Variants in TNIK observed in about 807,000 individuals in gnomAD.
The protein encoded by TNIK is TRAF2 and NCK interacting kinase, also known as TRAF2 and NCK-interacting protein kinase.
A neutral mutation model predicts 191.3 loss-of-function variants in TNIK; 49 were observed. The ratio of observed to expected loss-of-function variants is 0.26; its 90% confidence interval spans 0.20 to 0.32. The LOEUF (loss-of-function observed/expected upper bound fraction) is 0.32, where lower values mean the gene tolerates loss of function less well. TNIK is among the 10% of genes least tolerant of loss of function. The pLI is 1.00. For synonymous variants in TNIK, 594 were observed against 600.9 expected, an observed-to-expected ratio of 0.99 and a Z score of 0.17; for missense variants, 1,155 against 1,702.3, an observed-to-expected ratio of 0.68 and a Z score of 5.66.
chr3:171,232,431 A>G (rs1289819446), intron 2 of TNIK, among the ~76,000 whole-genome samples: 1 of 152,172 alleles, frequency 6.6e-6, no homozygotes, highest in African/African-American at 2.4e-5. Context: ...GTTTAAAAAA[A>G]TTCTCCATGA....
chr3:171,157,410 G>T, intron 12 of TNIK, 50 bp downstream of exon 12: 1 of 1,542,668 alleles, frequency 6.5e-7, no homozygotes, highest in South Asian at 1.2e-5. Context: ...CTTGGAGAGT[G>T]ACCACAACTG....
intron 28 of TNIK, among the ~76,000 whole-genome samples, chr3:171,072,862 C>T (rs1719382892): frequency 6.6e-6 from 1 of 151,738 alleles, no homozygotes; most frequent in African/African-American, 2.4e-5. Flanking sequence ...TACATTTAAC[C>T]AAGAAGGTGA....
At chr3:171,235,320 G>A (rs1394599135) in intron 2 of TNIK, among the ~76,000 whole-genome samples, 1 of 152,156 alleles carries the variant, frequency 6.6e-6, no homozygotes, top group African/African-American at 2.4e-5. Context: ...GGGATTACAG[G>A]CATGAGTCAC....
chr3:171,338,264 C>T (rs1318623590), intron 2 of TNIK, among the ~76,000 whole-genome samples: 1 of 152,012 alleles, frequency 6.6e-6, no homozygotes, highest in East Asian at 1.9e-4. Flanking sequence ...ACAACAACAA[C>T]AAAAGTGACA....
chr3:171,177,474 C>A, intron 7 of TNIK, 94 bp from the exon 8 acceptor site: 1 of 1,440,308 alleles, frequency 6.9e-7, no homozygotes, highest in South Asian at 1.3e-5. Context: ...CTGTGAAAGT[C>A]ATTCAGTTTT....
At chr3:171,373,492 A>T (rs1716808163) in intron 1 of TNIK, among the ~76,000 whole-genome samples, 1 of 152,120 alleles carries the variant, frequency 6.6e-6, no homozygotes, top group Non-Finnish European at 1.5e-5. Flanking sequence ...CATTCACACA[A>T]CAGGCTTCAT....
chr3:171,191,779 ACT>A (rs528826564), intron 5 of TNIK, among the ~76,000 whole-genome samples: 18 of 152,194 alleles, frequency 1.2e-4, no homozygotes, highest in African/African-American at 3.9e-4. Context: ...TTCATGAATT[ACT>A]CTGTTTTTGG....
Position 171,085,207 on chromosome 3 carries a change from T to A in TNIK, c.2909A>T (p.Lys970Ile), listed in dbSNP as rs376772380. 1 of 1,610,664 alleles carries A rather than the reference T, an allele frequency of 6.2e-7. No individual in the cohort carries two copies. The part of the protein sequence containing the change: ...GTEYGMGSST[K>I]ASFTPFVDPR... Reference sequence around the variant, plus strand: ...GTCCACAAAGGGGGTGAAGGAGGCTTTGGTGCTGCTCCCCATGCCATACTA... The same window carrying A: ...GTCCACAAAGGGGGTGAAGGAGGCTATGGTGCTGCTCCCCATGCCATACTA... Residue 970 changes from lysine to isoleucine, a missense_variant, in exon 25 of 33, where the codon AAA becomes ATA. Physicochemically the swap from Lys to Ile is moderately radical, Grantham distance 102 (BLOSUM62 -3). This residue lies in a region of TNIK where 735 missense variants were observed against 848.0 expected (regional missense o/e 0.87). Transcript: ENST00000436636.
chr3:171,108,545 C>T lies in TNIK; in HGVS notation c.2285-383G>A, dbSNP rs144318777. Reference sequence around the variant, plus strand: ...ACACAGATTTACAAAGATGACACAACTGTCCGGAGGTCACACTGAAATTAT... The same window carrying T: ...ACACAGATTTACAAAGATGACACAATTGTCCGGAGGTCACACTGAAATTAT... On this transcript the variant is annotated intron_variant, in intron 19 of 32. Transcript: ENST00000436636. Among the ~76,000 whole-genome samples, 612 of 152,328 alleles carry T rather than the reference C, an allele frequency of 4.0e-3. 3 individuals carry two copies. Among genetic ancestry groups the T allele is most frequent in the African/African-American group, 0.014 (572 of 41,572 alleles).
In TNIK at chr3:171,061,651, A is replaced by G. The variant is rs2108288803; in HGVS notation, c.*2230T>C. ...AAGATCAGTTTGCAACATAATTTAA[A>G]GAAGCTTCTGGTTTAAAATACCACA... is the stretch of plus-strand genomic sequence containing the variant. On this transcript the variant is annotated 3_prime_UTR_variant, in exon 33 of 33. Transcript: ENST00000436636. The G allele has an allele frequency of 6.6e-6, 1 of 152,348 alleles. No homozygotes were observed. The highest frequency in any genetic ancestry group is 3.4e-3 in the Middle Eastern group (1 of 294). 9.4% of individuals were successfully genotyped at this position (152,348 alleles called of 1,614,324 possible).
chr3:171,344,374 T>C (rs1427054023), intron 2 of TNIK, among the ~76,000 whole-genome samples: 1 of 152,170 alleles, frequency 6.6e-6, no homozygotes, highest in Non-Finnish European at 1.5e-5. Flanking sequence ...AAGAAAGTCT[T>C]GCTTCTTTGT....
chr3:171,444,652 A>G (rs1170579223), intron 1 of TNIK, among the ~76,000 whole-genome samples: 1 of 152,002 alleles, frequency 6.6e-6, no homozygotes, highest in Non-Finnish European at 1.5e-5. Flanking sequence ...TGAAAGTTGT[A>G]GACTTTTCAA....
intron 2 of TNIK, among the ~76,000 whole-genome samples, chr3:171,260,365 T>C (rs187017255): frequency 9.7e-4 from 148 of 152,318 alleles, no homozygotes; most frequent in African/African-American, 3.4e-3. Flanking sequence ...AAGTCTGCCT[T>C]ACTGTGCTTT....
At position 171,066,649 on chromosome 3, in the gene TNIK, C is replaced by T. The variant is rs781069861; in HGVS notation, c.3786G>A (p.Gly1262=). 4 of 1,613,658 alleles carry T rather than the reference C, an allele frequency of 2.5e-6. No individual in the cohort carries two copies. Among genetic ancestry groups the T allele is most frequent in the East Asian group, 4.5e-5 (2 of 44,844 alleles). Residue 1262 remains glycine, a synonymous_variant, in exon 31 of 33, where the codon GGG becomes GGA. Coordinates refer to ENST00000436636, the MANE Select transcript of TNIK (RefSeq NM_015028.4). The part of the protein sequence containing the change: ...MEMLVCYEDE[G]VYVNTYGRIT... ...TCCGGCCATAGGTGTTTACATACAC[C>T]CCCTCATCCTCATAGCAAACAAGCA...
chr3:171,230,780 T>TA (rs1743524238), intron 2 of TNIK, among the ~76,000 whole-genome samples: 1 of 152,204 alleles, frequency 6.6e-6, no homozygotes, highest in Admixed American at 6.5e-5. Flanking sequence ...CCTGTGTGTA[T>TA]TATTCCAAGG....
chr3:171,256,606 C>G (rs1022263147), intron 2 of TNIK, among the ~76,000 whole-genome samples: 1 of 152,158 alleles, frequency 6.6e-6, no homozygotes. Context: ...AGCCAATTTC[C>G]TCTAAGCTTC....
intron 12 of TNIK, among the ~76,000 whole-genome samples, chr3:171,142,281 GA>G (rs921018283): frequency 1.3e-5 from 2 of 152,212 alleles, no homozygotes; most frequent in African/African-American, 4.8e-5. Flanking sequence ...ACTAGAAGCT[GA>G]AAAGCAGTGC....
At chr3:171,154,521 A>G (rs776477858) in intron 12 of TNIK, among the ~76,000 whole-genome samples, 4 of 146,338 alleles carry the variant, frequency 2.7e-5, no homozygotes, top group Non-Finnish European at 5.9e-5. Context: ...AATTTGAAAC[A>G]CATATATAAA....
Position 171,321,797 on chromosome 3 carries a change from A to G in TNIK, c.123+47823T>C, listed in dbSNP as rs150246499. On this transcript the variant is annotated intron_variant, in intron 2 of 32. Transcript: ENST00000436636. Reference sequence around the variant, plus strand: ...ATAGAACCAAATATCCCTCAGAGCCACTATTTTAAAAATAAATATAGTTTG... The same window carrying G: ...ATAGAACCAAATATCCCTCAGAGCCGCTATTTTAAAAATAAATATAGTTTG... 1.1e-3 allele frequency among the ~76,000 whole-genome samples: 161 copies of G among 152,354 alleles called. 1 individual carries two copies. The highest frequency in any genetic ancestry group is 3.8e-3 in the African/African-American group (156 of 41,580).
Sources: allele counts gnomAD v4.1 joint callset (sites outside exome capture counted in the v4.1 genomes callset), GRCh38; gene constraint gnomAD v4.1.1; regional missense constraint gnomAD v4.1.1; transcripts MANE v1.5; gene names NCBI Gene and HGNC (gene_info 2026-07-23, HGNC 2026-07-21).